MYLK: variants seen among roughly 807,000 people sequenced by gnomAD.
The protein encoded by MYLK is myosin light chain kinase.
A neutral mutation model predicts 203.4 loss-of-function variants in MYLK; 106 were observed. The ratio of observed to expected loss-of-function variants is 0.52; its 90% CI spans 0.45 to 0.61. MYLK has a LOEUF of 0.61. Ranked by LOEUF, MYLK falls within the 20% of genes least tolerant of loss-of-function variation. The probability of loss-of-function intolerance (pLI) is 0.00; values close to 1 mark genes in which losing one functional copy is unlikely to be tolerated. For synonymous variants in MYLK, 867 were observed against 959.5 expected (o/e 0.90, Z 1.78); for missense variants, 2,072 against 2,442.3 (o/e 0.85, Z 3.20).
At chr3:123,823,119 C>G (rs2065993256) in intron 3 of MYLK, among the ~76,000 whole-genome samples, 1 of 152,198 alleles carries the variant, frequency 6.6e-6, no homozygotes, top group Non-Finnish European at 1.5e-5. Flanking sequence ...ACCCCTGCTT[C>G]TTGACAGACT....
At chr3:123,735,529 G>C in intron 8 of MYLK, 113 bp from the exon 9 acceptor site, 1 of 1,209,400 alleles carries the variant, frequency 8.3e-7, no homozygotes, top group Non-Finnish European at 1.2e-6. Flanking sequence ...GCTCCTTCCA[G>C]CTTCCCTGGT....
At chr3:123,849,390 G>A (rs1369207934) in intron 2 of MYLK, among the ~76,000 whole-genome samples, 1 of 152,170 alleles carries the variant, frequency 6.6e-6, no homozygotes, top group Non-Finnish European at 1.5e-5. Flanking sequence ...GTCCAGATCA[G>A]AAATACTACC....
rs2058315668 is a variant in MYLK, at chr3:123,629,409, C to T, written c.5114+65G>A. On this transcript the variant is annotated intron_variant, in intron 30 of 33. Coordinates refer to ENST00000360304, the MANE Select transcript of MYLK (RefSeq NM_053025.4). This position sits in a 1 kb window ranked among gnomAD's most constrained non-coding sequence, Gnocchi z 4.4. Reference sequence around the variant, plus strand: ...AGGGCACCCCAACAGGCAAAGGAATCCCCCTTTGCTTCCCAACACAGGGCA... The same window carrying T: ...AGGGCACCCCAACAGGCAAAGGAATTCCCCTTTGCTTCCCAACACAGGGCA... 6.3e-7 allele frequency: 1 copy of T among 1,591,826 alleles called. No homozygotes were observed. Among genetic ancestry groups the T allele is most frequent in the Non-Finnish European group, 8.6e-7 (1 of 1,161,610 alleles).
At position 123,700,086 on chromosome 3, in the gene MYLK, T is replaced by G; in HGVS notation, c.3382A>C (p.Thr1128Pro). 6.2e-7 allele frequency: 1 copy of G among 1,613,900 alleles called. No individual in the cohort carries two copies. Among genetic ancestry groups the G allele is most frequent in the East Asian group, 2.2e-5 (1 of 44,838 alleles). ...QCQVSSDPPA[T>P]IIWTLNGKTL... ...TTTCCGTTCAGCGTCCAGATGATGG[T>G]GGCTGGGGGGTCAGAAGACACCTGG... The change falls in exon 18 of 34, where the codon ACC becomes CCC. Residue 1128 changes from threonine to proline, a missense_variant. This residue lies in a region of MYLK where 865 missense variants were observed against 1,016.0 expected (regional missense o/e 0.85). Transcript: ENST00000360304.
intron 2 of MYLK, among the ~76,000 whole-genome samples, chr3:123,861,903 A>C (rs115811701): frequency 1.2e-3 from 183 of 152,332 alleles, no homozygotes; most frequent in Middle Eastern, 3.4e-3. Flanking sequence ...TCTGTGGGCC[A>C]TCTGGGCAAC....
chr3:123,738,706 C>A (rs550830388), intron 7 of MYLK, among the ~76,000 whole-genome samples, 191 bp downstream of exon 7: 66 of 152,292 alleles, frequency 4.3e-4, no homozygotes, highest in African/African-American at 1.6e-3. Flanking sequence ...TCTTGCCTGC[C>A]GCCATATAAG....
chr3:123,664,214 G>C lies in MYLK; in HGVS notation c.3876C>G (p.Gly1292=). Residue 1292 remains glycine, a synonymous_variant, in exon 23 of 34, where the codon GGC becomes GGG. Coordinates refer to ENST00000360304, the MANE Select transcript of MYLK (RefSeq NM_053025.4). ...EHMKVENSEN[G]SKLTILAARQ... Reference sequence around the variant, plus strand: ...GCGCGGCCAGGATGGTGAGCTTGCTGCCATTCTCGCTGTTCTCCACCTTCA... The same window carrying C: ...GCGCGGCCAGGATGGTGAGCTTGCTCCCATTCTCGCTGTTCTCCACCTTCA... 1 of 1,614,204 alleles carries C rather than the reference G, an allele frequency of 6.2e-7. No individual in the cohort carries two copies. Among genetic ancestry groups the C allele is most frequent in the Non-Finnish European group, 8.5e-7 (1 of 1,180,036 alleles).
At chr3:123,767,436 G>A (rs532430783) in intron 4 of MYLK, among the ~76,000 whole-genome samples, 1 of 152,250 alleles carries the variant, frequency 6.6e-6, no homozygotes, top group South Asian at 2.1e-4. Flanking sequence ...AAGAAACCCC[G>A]CCTGTACTAA....
chr3:123,882,570 T>C (rs944272912), intron 1 of MYLK, among the ~76,000 whole-genome samples: 5 of 152,210 alleles, frequency 3.3e-5, no homozygotes, highest in African/African-American at 7.2e-5. Context: ...TCCAAGCTCA[T>C]GCTTAGCTGC....
rs767393963 is a variant in MYLK, at chr3:123,657,390, C to T, written c.4024G>A (p.Asp1342Asn). 1.9e-6 allele frequency: 3 copies of T among 1,613,942 alleles called. No homozygotes were observed. The highest frequency in any genetic ancestry group is 2.5e-6 in the Non-Finnish European group (3 of 1,180,030). Residue 1342 changes from aspartate (D) to asparagine (N), a missense_variant, in exon 24 of 34, where the codon GAC becomes AAC. Physicochemically the swap from Asp to Asn is conservative, Grantham distance 23. Coordinates refer to ENST00000360304, the MANE Select transcript of MYLK (RefSeq NM_053025.4). Reference protein sequence around the residue: ...DPPAGTPCASDIRSSSLTLSW... With the variant: ...DPPAGTPCASNIRSSSLTLSW... Reference sequence around the variant, plus strand: ...AGGGTCAGTGAGGAGCTCCGAATGTCAGAGGCACAAGGTGTGCCAGCTGGG... The same window carrying T: ...AGGGTCAGTGAGGAGCTCCGAATGTTAGAGGCACAAGGTGTGCCAGCTGGG...
In MYLK at chr3:123,819,787, C is replaced by CTT. The variant is rs5852369; in HGVS notation, c.-4+11759_-4+11760dup. ...TTCATTTGAGATATTTCTAAGCCTC[C>CTT]TTTTTTTTTTTTTTTTTTTTTTGCA... On this transcript the variant is annotated intron_variant, in intron 3 of 33. Coordinates refer to ENST00000360304, the MANE Select transcript of MYLK (RefSeq NM_053025.4). Among the ~76,000 whole-genome samples the CTT allele has an allele frequency of 7.0e-3, 520 of 74,426 alleles. 15 individuals carry two copies. Among genetic ancestry groups the CTT allele is most frequent in the Admixed American group, 0.06 (338 of 5,664 alleles). The allele number at this position is 74,426 out of a possible 152,430, so 48.8% of individuals were successfully genotyped here.
chr3:123,878,675 A>T (rs2033310735), intron 1 of MYLK, among the ~76,000 whole-genome samples: 1 of 152,126 alleles, frequency 6.6e-6, no homozygotes, highest in Admixed American at 6.5e-5. Flanking sequence ...ACTCTGGCTG[A>T]TGCTGGCTCT....
chr3:123,753,198 A>G (rs719860), intron 4 of MYLK, among the ~76,000 whole-genome samples: 136,556 of 152,250 alleles, frequency 0.9, 62,975 homozygotes, highest in East Asian at 1. Context: ...AGACAATACA[A>G]AAAAGGGCAA....
chr3:123,883,366 A>C (rs557758517), intron 1 of MYLK, among the ~76,000 whole-genome samples: 5 of 151,662 alleles, frequency 3.3e-5, no homozygotes, highest in African/African-American at 1.2e-4. Context: ...CTCCCTCTAG[A>C]CTCTAGTAGA....
chr3:123,797,982 T>C (rs984033324), intron 3 of MYLK, among the ~76,000 whole-genome samples: 19 of 152,124 alleles, frequency 1.2e-4, no homozygotes, highest in African/African-American at 1.4e-4. Context: ...TGGAAAACAG[T>C]AGCAGGAAGC....
At chr3:123,729,306 G>C (rs2062398785) in intron 11 of MYLK, among the ~76,000 whole-genome samples, 1 of 152,188 alleles carries the variant, frequency 6.6e-6, no homozygotes, top group Non-Finnish European at 1.5e-5. Context: ...CAATCAATTA[G>C]GTGATCACTA....
chr3:123,707,040 C>T lies in MYLK; in HGVS notation c.2390+714G>A, dbSNP rs531513040. The stretch of plus-strand genomic sequence containing the variant: ...GCTTCCAAGGGTAGGTCTTAAAAGA[C>T]ACTGCAAGCTCTGACCTGGGCTCCC... On this transcript the variant is annotated intron_variant, in intron 16 of 33. Transcript: ENST00000360304. Among the ~76,000 whole-genome samples the T allele has an allele frequency of 2.4e-3, 369 of 152,286 alleles. 2 individuals are homozygous for T. Among genetic ancestry groups the T allele is most frequent in the Non-Finnish European group, 4.5e-3 (303 of 68,022 alleles).
intron 20 of MYLK, among the ~76,000 whole-genome samples, chr3:123,670,106 T>C (rs1281064286): frequency 1.3e-5 from 2 of 150,730 alleles, no homozygotes; most frequent in Non-Finnish European, 2.9e-5. Context: ...GAAGGGTATA[T>C]ACAATAATTT....
intron 20 of MYLK, among the ~76,000 whole-genome samples, chr3:123,673,808 A>G (rs2059993289): frequency 6.6e-6 from 1 of 152,196 alleles, no homozygotes; most frequent in African/African-American, 2.4e-5. Flanking sequence ...GAAGGAAAAT[A>G]AAACCCATCC....
Sources: gnomAD v4.1 joint callset for allele counts (sites outside exome capture counted in the v4.1 genomes callset) on GRCh38, gnomAD v4.1.1 for gene constraint, gnomAD v4.1.1 regional missense constraint, Gnocchi (gnomAD v3.1) non-coding constraint, MANE v1.5 for transcripts, NCBI Gene and HGNC (gene_info 2026-07-23, HGNC 2026-07-21) for gene names.